The following DGKI variants were observed in gnomAD, a reference collection of about 807,000 sequenced individuals.
DGKI encodes the protein DAG kinase iota.
DGKI carries 55 observed loss-of-function variants against 147.5 expected under a neutral mutation model. The observed-to-expected ratio is 0.37, with a 90% CI of 0.30 to 0.47. The LOEUF (loss-of-function observed/expected upper bound fraction) is 0.47. DGKI is among the 20% of genes least tolerant of loss of function. DGKI has a pLI of 1.00. For missense variants in DGKI, 1,007 were observed against 1,323.8 expected, an observed-to-expected ratio of 0.76 and a Z score of 3.71; for synonymous variants, 469 against 477.1, an observed-to-expected ratio of 0.98 and a Z score of 0.22.
intron 1 of DGKI, among the ~76,000 whole-genome samples, chr7:137,799,118 C>T (rs1797119873): frequency 6.6e-6 from 1 of 152,162 alleles, no homozygotes; most frequent in Non-Finnish European, 1.5e-5. Flanking sequence ...TGTCTTCTTT[C>T]ATCACTTCTA....
At chr7:137,638,318 C>T (rs1821403431) in intron 6 of DGKI, among the ~76,000 whole-genome samples, 1 of 150,892 alleles carries the variant, frequency 6.6e-6, no homozygotes, top group Non-Finnish European at 1.5e-5. Flanking sequence ...TCATGTTCCT[C>T]CTCCAATTTT....
intron 1 of DGKI, among the ~76,000 whole-genome samples, chr7:137,788,738 T>G (rs1178722152): frequency 6.6e-6 from 1 of 151,976 alleles, no homozygotes; most frequent in Non-Finnish European, 1.5e-5. Flanking sequence ...AATGCCTATC[T>G]GGTAACCCAA....
At chr7:137,638,096 C>T (rs542105198) in intron 6 of DGKI, among the ~76,000 whole-genome samples, 12 of 152,198 alleles carry the variant, frequency 7.9e-5, no homozygotes, top group African/African-American at 2.4e-4. Flanking sequence ...TCCCTTACCC[C>T]TTTCCAAGCC....
chr7:137,687,645 T>C (rs954489286), intron 2 of DGKI, among the ~76,000 whole-genome samples: 105 of 152,216 alleles, frequency 6.9e-4, no homozygotes, highest in African/African-American at 2.5e-3. Context: ...TAAATGAGTG[T>C]AGTGTGTTGG....
chr7:137,697,817 A>T (rs1188086051), intron 1 of DGKI, among the ~76,000 whole-genome samples: 1 of 152,128 alleles, frequency 6.6e-6, no homozygotes, highest in East Asian at 1.9e-4. Flanking sequence ...CATCTTAAAA[A>T]ATAAAACAAT....
intron 1 of DGKI, among the ~76,000 whole-genome samples, chr7:137,717,289 C>A (rs1794407080): frequency 6.6e-6 from 1 of 152,040 alleles, no homozygotes; most frequent in African/African-American, 2.4e-5. Flanking sequence ...CACAGACACG[C>A]CTTTTTTGGC....
At chr7:137,479,547 C>G (rs1815297211) in intron 23 of DGKI, among the ~76,000 whole-genome samples, 1 of 152,134 alleles carries the variant, frequency 6.6e-6, no homozygotes, top group Non-Finnish European at 1.5e-5. Context: ...TTGCTCATAG[C>G]TGATGCACAC....
At chr7:137,638,495 T>TATATATAC (rs1821439607) in intron 6 of DGKI, among the ~76,000 whole-genome samples, 2 of 106,274 alleles carry the variant, frequency 1.9e-5, no homozygotes, top group Non-Finnish European at 3.7e-5. Flanking sequence ...TATACACACA[T>TATATATAC]ATATATGTAT....
Position 137,637,219 on chromosome 7 carries a change from G to C in DGKI, c.804+8253C>G, listed in dbSNP as rs146017632. Among the ~76,000 whole-genome samples, 3 of 152,208 alleles carry C rather than the reference G, an allele frequency of 2.0e-5. No homozygotes were observed. The East Asian group carries it at 5.8e-4, about 29-fold the overall frequency. ...GTCCTGGTGCTTTTACTTCCTTACC[G>C]GTGTCACTTCTGAGATCACTCAATA... On this transcript the variant is annotated intron_variant, in intron 6 of 32. Transcript: ENST00000614521.
intron 20 of DGKI, among the ~76,000 whole-genome samples, chr7:137,544,634 C>T (rs1293078610): frequency 6.6e-6 from 1 of 152,012 alleles, no homozygotes; most frequent in African/African-American, 2.4e-5. Context: ...ATACATATCA[C>T]CAGATGTTAG....
chr7:137,709,564 A>G (rs534633327), intron 1 of DGKI, among the ~76,000 whole-genome samples: 1 of 152,328 alleles, frequency 6.6e-6, no homozygotes, highest in East Asian at 1.9e-4. Flanking sequence ...AGGTTATCCA[A>G]CAGACTGCAA....
chr7:137,693,324 A>C (rs536704914), intron 1 of DGKI, among the ~76,000 whole-genome samples: 1 of 152,292 alleles, frequency 6.6e-6, no homozygotes, highest in South Asian at 2.1e-4. Context: ...CAAAACCATG[A>C]AATGCCAATG....
At chr7:137,798,949 C>CAT (rs908662898) in intron 1 of DGKI, among the ~76,000 whole-genome samples, 11 of 152,202 alleles carry the variant, frequency 7.2e-5, no homozygotes, top group African/African-American at 1.9e-4. Flanking sequence ...AAAAACCCAA[C>CAT]ATCTGTCCAT....
chr7:137,807,988 G>C (rs1797434618), intron 1 of DGKI, among the ~76,000 whole-genome samples: 1 of 152,180 alleles, frequency 6.6e-6, no homozygotes, highest in South Asian at 2.1e-4. Context: ...CGTCTCTTGG[G>C]ATTTATTGAT....
At chr7:137,810,538 C>T (rs754414535) in intron 1 of DGKI, among the ~76,000 whole-genome samples, 17 of 152,172 alleles carry the variant, frequency 1.1e-4, no homozygotes, top group Non-Finnish European at 2.5e-4. Flanking sequence ...CCAAAAAGCA[C>T]ATGTCCCTGA....
rs1240220684 is a variant in DGKI at position 137,711,120 on chromosome 7, C to A, written c.402-21118G>T. On this transcript the variant is annotated intron_variant, in intron 1 of 32. Coordinates refer to ENST00000614521, the MANE Select transcript of DGKI (RefSeq NM_001321708.2). ...AAAATTTTAAAGTGTGACAATATTA[C>A]CTCTTGGCAAGATATAGAGCTTACA... Among the ~76,000 whole-genome samples the A allele has an allele frequency of 2.0e-5, 3 of 152,088 alleles. 1 individual carries two copies. The highest frequency in any genetic ancestry group is 2.0e-4 in the Admixed American group (3 of 15,272).
At chr7:137,415,407 G>C (rs765444372) in intron 28 of DGKI, among the ~76,000 whole-genome samples, 4 of 152,136 alleles carry the variant, frequency 2.6e-5, no homozygotes, top group Non-Finnish European at 5.9e-5. Context: ...GATGTGCAAA[G>C]GCTATATGCA....
chr7:137,386,366 AT>A lies in DGKI; in HGVS notation c.*4853del, dbSNP rs1811176643. 6.6e-6 allele frequency: 1 copy of A among 152,110 alleles called. No individual in the cohort carries two copies. The highest frequency in any genetic ancestry group is 2.4e-5 in the African/African-American group (1 of 41,414). The allele number at this position is 152,110 out of a possible 1,614,324, so 9.4% of individuals were successfully genotyped here. A position where few individuals can be genotyped will look rare whatever the true frequency, so the allele number is the denominator to read the frequency against. Reference sequence around the variant, plus strand: ...GCCGTCAAAGAGGCATGTGGCTTACATTGTTGAATGAGGAAGCAGCAGCCGT... The same window carrying A: ...GCCGTCAAAGAGGCATGTGGCTTACATGTTGAATGAGGAAGCAGCAGCCGT... On this transcript the variant is annotated 3_prime_UTR_variant, in exon 33 of 33. Coordinates refer to ENST00000614521, the MANE Select transcript of DGKI (RefSeq NM_001321708.2).
intron 27 of DGKI, among the ~76,000 whole-genome samples, chr7:137,456,164 C>T (rs765356799): frequency 7.2e-5 from 11 of 152,134 alleles, no homozygotes; most frequent in Non-Finnish European, 1.5e-4. Context: ...TTTACTTTCT[C>T]GCTTGTGAAA....
Sources: allele counts gnomAD v4.1 joint callset (sites outside exome capture counted in the v4.1 genomes callset), GRCh38; gene constraint gnomAD v4.1.1; transcripts MANE v1.5; gene names NCBI Gene and HGNC (gene_info 2026-07-23, HGNC 2026-07-21).